The following MYCBP2 variants were observed in gnomAD, a reference collection of about 807,000 sequenced individuals.
MYCBP2 encodes the protein MYC binding protein 2.
In MYCBP2, 120 loss-of-function variants were observed where a neutral mutation model predicts 525.3. The ratio of observed to expected loss-of-function variants is 0.23; its 90% CI spans 0.20 to 0.27. MYCBP2 has a LOEUF of 0.27. Ranked by LOEUF, MYCBP2 falls within the 10% of genes least tolerant of loss-of-function variation. MYCBP2 has a pLI of 1.00. For synonymous variants in MYCBP2, 1,894 were observed against 1,955.8 expected, an observed-to-expected ratio of 0.97 and a Z score of 0.83; for missense variants, 4,149 against 5,657.1, an observed-to-expected ratio of 0.73 and a Z score of 8.55.
At chr13:77,105,216 T>C (rs1439822399) in intron 55 of MYCBP2, among the ~76,000 whole-genome samples, 1 of 152,016 alleles carries the variant, frequency 6.6e-6, no homozygotes, top group Non-Finnish European at 1.5e-5. Context: ...AAGAATACCA[T>C]CTTAATTGGA....
chr13:77,171,680 A>C, intron 37 of MYCBP2, 46 bp from the exon 38 acceptor site: 1 of 1,585,268 alleles, frequency 6.3e-7, no homozygotes, highest in Non-Finnish European at 8.6e-7. Context: ...GGTAAGTAAA[A>C]CATGATCCAG....
intron 21 of MYCBP2, among the ~76,000 whole-genome samples, chr13:77,212,417 G>A (rs566864540): frequency 4.0e-4 from 61 of 152,098 alleles, no homozygotes; most frequent in African/African-American, 1.4e-3. Flanking sequence ...TATTTTCCAC[G>A]CAAGAAGTAT....
chr13:77,096,334 T>C lies in MYCBP2; in HGVS notation c.9932A>G (p.Lys3311Arg). Residue 3311 changes from lysine (K) to arginine (R), a missense_variant, in exon 57 of 83, where the codon AAA becomes AGA. Lys to Arg is a conservative substitution (Grantham distance 26). Transcript: ENST00000544440. Reference protein sequence around the residue: ...DRCREKYLREKQAAAREKVKQ... With the variant: ...DRCREKYLRERQAAAREKVKQ... Reference sequence around the variant, plus strand: ...TACCTTCTCCCTTGCAGCAGCCTGTTTTTCGCGGAGGTATTTTTCTCTACA... The same window carrying C: ...TACCTTCTCCCTTGCAGCAGCCTGTCTTTCGCGGAGGTATTTTTCTCTACA... 1 of 1,613,234 alleles carries C rather than the reference T, an allele frequency of 6.2e-7. No homozygotes were observed.
intron 54 of MYCBP2, among the ~76,000 whole-genome samples, chr13:77,124,014 A>G (rs1212054477): frequency 6.6e-6 from 1 of 152,186 alleles, no homozygotes; most frequent in Non-Finnish European, 1.5e-5. Flanking sequence ...GTTTCAGGAC[A>G]TTATTTTATG....
At chr13:77,083,489 T>C (rs1034769966) in intron 62 of MYCBP2, among the ~76,000 whole-genome samples, 1 of 152,090 alleles carries the variant, frequency 6.6e-6, no homozygotes, top group African/African-American at 2.4e-5. Flanking sequence ...TGTGTATGTG[T>C]AGTGTGTGTG....
At chr13:77,279,374 T>C (rs540528834) in intron 3 of MYCBP2, among the ~76,000 whole-genome samples, 5 of 152,294 alleles carry the variant, frequency 3.3e-5, no homozygotes, top group African/African-American at 1.2e-4. Context: ...ACTTTTCCTT[T>C]AATTATCTTA....
chr13:77,242,829 G>A (rs1341531743), intron 17 of MYCBP2, among the ~76,000 whole-genome samples: 1 of 152,132 alleles, frequency 6.6e-6, no homozygotes, highest in Non-Finnish European at 1.5e-5. Flanking sequence ...TAAACACCCT[G>A]CTGAATTAAA....
Position 77,169,685 on chromosome 13 carries a change from A to G in MYCBP2, c.5824T>C (p.Ser1942Pro). Residue 1942 changes from serine (S) to proline (P), a missense_variant, in exon 39 of 83, where the codon TCC (serine) becomes CCC (proline). By Grantham distance (74) the Ser-to-Pro change is moderately conservative (BLOSUM62 -1). Transcript: ENST00000544440. The stretch of plus-strand genomic sequence containing the variant: ...GGGAGCAGCATGGAAAACAGACTGG[A>G]AGAACTCAGCAGTTCTGGAATGTCA... ...ADDIPELLSS[S>P]SLFSMLLPLI... 6.2e-7 allele frequency: 1 copy of G among 1,614,062 alleles called. No individual in the cohort carries two copies. The highest frequency in any genetic ancestry group is 8.5e-7 in the Non-Finnish European group (1 of 1,180,004).
chr13:77,158,597 C>T (rs2057493112), intron 44 of MYCBP2, among the ~76,000 whole-genome samples: 2 of 152,164 alleles, frequency 1.3e-5, no homozygotes, highest in African/African-American at 2.4e-5. Context: ...GCGTATGCCA[C>T]CATGGCTGGC....
chr13:77,294,104 C>CTATA (rs1197370334), intron 2 of MYCBP2, among the ~76,000 whole-genome samples: 5,096 of 41,482 alleles, frequency 0.12, 605 homozygotes, highest in Non-Finnish European at 0.19. Context: ...GATATAATGG[C>CTATA]TATATATATA....
chr13:77,191,203 T>C (rs1190693498), intron 28 of MYCBP2, among the ~76,000 whole-genome samples: 1 of 152,162 alleles, frequency 6.6e-6, no homozygotes, highest in Non-Finnish European at 1.5e-5. Context: ...AATATAAGAA[T>C]ATGAACTGAA....
intron 7 of MYCBP2, among the ~76,000 whole-genome samples, chr13:77,268,837 A>C (rs1244676792): frequency 1.3e-5 from 2 of 152,198 alleles, no homozygotes; most frequent in Non-Finnish European, 2.9e-5. Flanking sequence ...CAGTAGAATT[A>C]TTCTTCATGT....
chr13:77,294,131 C>CATATATATATATATATATATATACATAT, intron 2 of MYCBP2, among the ~76,000 whole-genome samples: 9 of 65,710 alleles, frequency 1.4e-4, no homozygotes, highest in Admixed American at 1.2e-3. Flanking sequence ...TATATATATA[C>CATATATATATATATATATATATACATAT]ATATATATAT....
chr13:77,311,241 T>G (rs2080163659), intron 1 of MYCBP2, among the ~76,000 whole-genome samples: 1 of 151,514 alleles, frequency 6.6e-6, no homozygotes, highest in African/African-American at 2.4e-5. Flanking sequence ...TGAAAAAGAG[T>G]AAGACACAGA....
chr13:77,126,449 G>T lies in MYCBP2; in HGVS notation c.7753C>A (p.Arg2585=). The T allele has an allele frequency of 6.2e-7, 1 of 1,613,896 alleles. No homozygotes were observed. Among genetic ancestry groups the T allele is most frequent in the Middle Eastern group, 1.7e-4 (1 of 6,060 alleles). ...TMQEQDMPFL[R]GGPGMYKVVK... The stretch of plus-strand genomic sequence containing the variant: ...ACCTTGTACATGCCTGGCCCTCCTC[G>T]CAAGAATGGCATATCTTGTTCTTGC... Residue 2585 remains arginine, a synonymous_variant, in exon 53 of 83, where the codon CGA becomes AGA. Coordinates refer to ENST00000544440, the MANE Select transcript of MYCBP2 (RefSeq NM_015057.5).
intron 3 of MYCBP2, among the ~76,000 whole-genome samples, chr13:77,284,507 C>G (rs1295260390): frequency 6.6e-6 from 1 of 152,230 alleles, no homozygotes; most frequent in African/African-American, 2.4e-5. Flanking sequence ...CAAAAAATAT[C>G]ACCTGAAAGT....
At chr13:77,214,225 T>TA (rs1269035450) in intron 21 of MYCBP2, among the ~76,000 whole-genome samples, 2 of 152,194 alleles carry the variant, frequency 1.3e-5, no homozygotes, top group African/African-American at 2.4e-5. Context: ...CATACACCGT[T>TA]AGTGTGAAAG....
chr13:77,048,219 T>A (rs970041374), intron 82 of MYCBP2, among the ~76,000 whole-genome samples: 5 of 152,104 alleles, frequency 3.3e-5, no homozygotes, highest in African/African-American at 1.2e-4. Flanking sequence ...AGAGGCCCCC[T>A]GCCCTTCCAC....
chr13:77,141,850 A>G (rs1188164595), intron 49 of MYCBP2, among the ~76,000 whole-genome samples: 1 of 151,938 alleles, frequency 6.6e-6, no homozygotes, highest in Non-Finnish European at 1.5e-5. Flanking sequence ...TATTATTATT[A>G]TAACTATTCT....
Sources: gnomAD v4.1 joint callset for allele counts (sites outside exome capture counted in the v4.1 genomes callset) on GRCh38, gnomAD v4.1.1 for gene constraint, MANE v1.5 for transcripts, NCBI Gene and HGNC (gene_info 2026-07-23, HGNC 2026-07-21) for gene names.